The following AGBL1 variants were observed in gnomAD, a reference collection of about 807,000 sequenced individuals.
AGBL1 encodes the protein cytosolic carboxypeptidase 4.
A neutral mutation model predicts 118.9 loss-of-function variants in AGBL1; 130 were observed. That is an observed-to-expected ratio of 1.09 (90% confidence interval 0.95 to 1.26). AGBL1 has a LOEUF of 1.26. Among genes scored for constraint, AGBL1 ranks in the 50% most tolerant of loss-of-function variants. The pLI, the probability that AGBL1 is intolerant of heterozygous loss-of-function variation, is 0.00. For missense variants in AGBL1, 1,584 were observed against 1,298.1 expected, an observed-to-expected ratio of 1.22 and a Z score of -3.38; for synonymous variants, 555 against 478.9, an observed-to-expected ratio of 1.16 and a Z score of -2.08.
At chr15:86,232,526 G>C (rs1189542818) in intron 6 of AGBL1, among the ~76,000 whole-genome samples, 3 of 152,212 alleles carry the variant, frequency 2.0e-5, no homozygotes, top group Admixed American at 1.3e-4. Flanking sequence ...TGGTCTCAGA[G>C]GCATTTGCTA....
chr15:86,118,565 G>T (rs1033668489), intron 1 of AGBL1, among the ~76,000 whole-genome samples: 2 of 151,934 alleles, frequency 1.3e-5, no homozygotes, highest in East Asian at 3.9e-4. Context: ...TTGGAGAGCA[G>T]GTGCAGAGGT....
At chr15:86,830,438 C>G (rs1423644474) in intron 22 of AGBL1, among the ~76,000 whole-genome samples, 1 of 152,148 alleles carries the variant, frequency 6.6e-6, no homozygotes, top group Non-Finnish European at 1.5e-5. Context: ...CATCTACCAC[C>G]AAGGAGGCTT....
Position 86,936,542 on chromosome 15 carries a change from G to T in AGBL1, c.3222-51445G>T, listed in dbSNP as rs868710452. ...AATATTTCTTCTCTGACAAAAACAA[G>T]TAATGGGGAAAAGCCTCCCTAGTCA... On this transcript the variant is annotated intron_variant, in intron 23 of 24. Transcript: ENST00000441037. Among the ~76,000 whole-genome samples the T allele has an allele frequency of 3.3e-5, 5 of 152,148 alleles. No individual in the cohort carries two copies. In the South Asian group the frequency reaches 1.0e-3, roughly 31 times the overall value.
At chr15:86,832,952 G>T (rs1051155404) in intron 22 of AGBL1, among the ~76,000 whole-genome samples, 1 of 152,196 alleles carries the variant, frequency 6.6e-6, no homozygotes, top group Non-Finnish European at 1.5e-5. Context: ...TTTCCACATG[G>T]TTGGGGAGTC....
intron 9 of AGBL1, among the ~76,000 whole-genome samples, chr15:86,260,794 G>T (rs886604551): frequency 6.6e-6 from 1 of 152,222 alleles, no homozygotes. Context: ...ACAAGAGCCA[G>T]AAAGCATTAC....
At chr15:86,143,235 C>A (rs2076987383) in intron 2 of AGBL1, among the ~76,000 whole-genome samples, 1 of 152,108 alleles carries the variant, frequency 6.6e-6, no homozygotes, top group Admixed American at 6.5e-5. Context: ...TTTCTGAAGG[C>A]TAGCATCAGA....
At chr15:86,725,731 G>C (rs1421172148) in intron 22 of AGBL1, among the ~76,000 whole-genome samples, 1 of 152,214 alleles carries the variant, frequency 6.6e-6, no homozygotes, top group African/African-American at 2.4e-5. Flanking sequence ...AGGTGACATT[G>C]TGAGTTGTGT....
At chr15:86,648,808 T>A (rs2085326634) in intron 21 of AGBL1, among the ~76,000 whole-genome samples, 1 of 152,186 alleles carries the variant, frequency 6.6e-6, no homozygotes, top group Non-Finnish European at 1.5e-5. Context: ...ACTGATTCTC[T>A]GTATAAATTA....
At chr15:86,872,111 A>G (rs1015502143) in intron 22 of AGBL1, among the ~76,000 whole-genome samples, 1 of 152,192 alleles carries the variant, frequency 6.6e-6, no homozygotes, top group African/African-American at 2.4e-5. Context: ...GCAGATTCCA[A>G]TGCAGTTGTG....
At chr15:86,417,941 C>T (rs560253581) in intron 18 of AGBL1, among the ~76,000 whole-genome samples, 2 of 152,120 alleles carry the variant, frequency 1.3e-5, no homozygotes, top group East Asian at 1.9e-4. Context: ...AATAAAGCCT[C>T]GAAGTTATTT....
intron 16 of AGBL1, among the ~76,000 whole-genome samples, 178 bp downstream of exon 16, chr15:86,279,961 C>T (rs1405904372): frequency 1.3e-5 from 2 of 152,100 alleles, no homozygotes; most frequent in Non-Finnish European, 2.9e-5. Flanking sequence ...TCTAATTGTC[C>T]CATCTCCTTC....
intron 22 of AGBL1, among the ~76,000 whole-genome samples, chr15:86,817,206 T>A (rs2078870452): frequency 6.6e-6 from 1 of 151,040 alleles, no homozygotes; most frequent in African/African-American, 2.4e-5. Context: ...GCAGCAGAAT[T>A]GCTTGATCTC....
chr15:86,289,083 G>T (rs2079503226), intron 16 of AGBL1, among the ~76,000 whole-genome samples: 1 of 152,138 alleles, frequency 6.6e-6, no homozygotes, highest in African/African-American at 2.4e-5. Flanking sequence ...ACAAAATAAA[G>T]AGATAATTTA....
intron 18 of AGBL1, among the ~76,000 whole-genome samples, chr15:86,468,493 C>G (rs550441908): frequency 3.3e-5 from 5 of 152,156 alleles, no homozygotes; most frequent in African/African-American, 1.2e-4. Flanking sequence ...GGCAGGTCAC[C>G]TTCCCCACAG....
At chr15:86,319,838 C>T (rs1460186778) in intron 17 of AGBL1, among the ~76,000 whole-genome samples, 2 of 137,608 alleles carry the variant, frequency 1.5e-5, no homozygotes, top group East Asian at 2.3e-4. Flanking sequence ...TTCACTGCCA[C>T]CTTCGCCTCC....
In AGBL1 at chr15:86,869,379, G is replaced by T. The variant is rs189390580; in HGVS notation, c.3159-37708G>T. Among the ~76,000 whole-genome samples the T allele has an allele frequency of 3.8e-4, 58 of 152,182 alleles. 2 individuals are homozygous for T. Among genetic ancestry groups the T allele is most frequent in the East Asian group, 2.5e-3 (13 of 5,162 alleles). On this transcript the variant is annotated intron_variant, in intron 22 of 22. Coordinates refer to ENST00000614907, the MANE Select transcript of AGBL1 (RefSeq NM_001386094.1). ...GGTCTCTCCTCCTCTCTGCCTCAGA[G>T]CCGCTCAACATCCTTGGATTAATAA...
At chr15:86,550,574 G>A (rs988914448) in intron 20 of AGBL1, among the ~76,000 whole-genome samples, 4 of 152,028 alleles carry the variant, frequency 2.6e-5, no homozygotes, top group African/African-American at 9.7e-5. Flanking sequence ...TCAGCAAGGT[G>A]TAACAATTAT....
chr15:87,011,854 G>A (rs994212017), intron 24 of AGBL1, among the ~76,000 whole-genome samples: 3 of 152,136 alleles, frequency 2.0e-5, no homozygotes, highest in African/African-American at 4.8e-5. Context: ...TGCCCATTGT[G>A]TATATTTTTC....
intron 22 of AGBL1, among the ~76,000 whole-genome samples, chr15:86,795,444 G>A (rs1208126589): frequency 1.3e-5 from 2 of 152,008 alleles, no homozygotes; most frequent in Non-Finnish European, 2.9e-5. Flanking sequence ...CTGGGATGGG[G>A]AGCATGACTC....
Sources: allele counts gnomAD v4.1 joint callset (sites outside exome capture counted in the v4.1 genomes callset), GRCh38; gene constraint gnomAD v4.1.1; transcripts MANE v1.5; gene names NCBI Gene and HGNC (gene_info 2026-07-23, HGNC 2026-07-21).